Variants in MOBP observed in about 807,000 individuals in gnomAD.
The protein encoded by MOBP is myelin associated oligodendrocyte basic protein, also known as myelin-associated oligodendrocyte basic protein.
In MOBP, 5 loss-of-function variants were observed where a neutral mutation model predicts 15.0. The observed-to-expected ratio is 0.33, with a 90% CI of 0.17 to 0.70. The LOEUF (loss-of-function observed/expected upper bound fraction) is 0.70. MOBP is among the 30% of genes least tolerant of loss of function. MOBP has a pLI of 0.67. For synonymous variants in MOBP, 88 were observed against 99.0 expected, an observed-to-expected ratio of 0.89 and a Z score of 0.66; for missense variants, 188 against 257.8, an observed-to-expected ratio of 0.73 and a Z score of 1.85.
At chr3:39,503,750 A>AT (rs1358595853), downstream of MOBP, among the ~76,000 whole-genome samples, 1 of 151,954 alleles carries the variant, frequency 6.6e-6, no homozygotes, top group Non-Finnish European at 1.5e-5. Context: ...GAATCTGTTT[A>AT]TAAGTTAGTA....
In MOBP at chr3:39,485,671, C is replaced by T. The variant is rs367828454; in HGVS notation, c.-5+5548C>T. Among the ~76,000 whole-genome samples the T allele has an allele frequency of 4.6e-5, 7 of 152,298 alleles. No homozygotes were observed. The South Asian group carries it at 6.2e-4, about 14-fold the overall frequency. The stretch of plus-strand genomic sequence containing the variant: ...TTCTTTCTGACAGCCTGGGGCTCAC[C>T]GGCCTGTGGGCGTTCCTCTCACCAA... On this transcript the variant is annotated intron_variant, in intron 2 of 3. Coordinates refer to ENST00000684792, the MANE Select transcript of MOBP (RefSeq NM_001393704.1).
At chr3:39,499,355 G>T (rs1001220984) in intron 2 of MOBP, 2 of 152,144 alleles carry the variant, frequency 1.3e-5, no homozygotes, top group African/African-American at 4.8e-5. Flanking sequence ...CTGGGTAAAG[G>T]GCTCCTTTGA....
At chr3:39,491,381 G>T (rs2042792570) in intron 2 of MOBP, among the ~76,000 whole-genome samples, 1 of 152,124 alleles carries the variant, frequency 6.6e-6, no homozygotes, top group African/African-American at 2.4e-5. Flanking sequence ...TATCTCCTAG[G>T]ATTATTACCA....
At position 39,501,855 on chromosome 3, in the gene MOBP, T is replaced by A. The variant is rs554368112; in HGVS notation, c.-4-211T>A. 7.9e-5 allele frequency among the ~76,000 whole-genome samples: 12 copies of A among 152,272 alleles called. No individual in the cohort carries two copies. The East Asian group carries it at 2.3e-3, about 29-fold the overall frequency. ...TTTTTCTCCTTAAAAACACGATTTT[T>A]AAAAATACACAAATGAAAATTAATG... On this transcript the variant is annotated intron_variant, in intron 2 of 3. Transcript: ENST00000684792.
intron 2 of MOBP, among the ~76,000 whole-genome samples, chr3:39,490,272 A>G (rs916697863): frequency 2.0e-5 from 3 of 152,090 alleles, no homozygotes; most frequent in Admixed American, 2.0e-4. Context: ...TTTCATGCAT[A>G]TTATTATTAT....
chr3:39,472,605 G>C (rs2042486910), intron 1 of MOBP, among the ~76,000 whole-genome samples: 1 of 152,122 alleles, frequency 6.6e-6, no homozygotes, highest in Admixed American at 6.5e-5. Context: ...AAAAATGAGG[G>C]CCCCCTTCTC....
At chr3:39,487,316 A>G (rs113122325) in intron 2 of MOBP, among the ~76,000 whole-genome samples, 3,646 of 152,222 alleles carry the variant, frequency 0.024, 147 homozygotes, top group African/African-American at 0.078. Flanking sequence ...TGAAGAATCT[A>G]TCTGCCCCCT....
chr3:39,485,374 G>A (rs1403934725), intron 2 of MOBP, among the ~76,000 whole-genome samples: 1 of 152,178 alleles, frequency 6.6e-6, no homozygotes, highest in Non-Finnish European at 1.5e-5. Context: ...AGAAGAAAGG[G>A]TCGTCAGCCG....
At chr3:39,499,901 G>C (rs1437786073) in intron 2 of MOBP, 1 of 404,368 alleles carries the variant, frequency 2.5e-6, no homozygotes, top group Non-Finnish European at 5.0e-6. Flanking sequence ...TCTTTGGCCA[G>C]ATGAAATGCC....
intron 2 of MOBP, among the ~76,000 whole-genome samples, chr3:39,495,750 CAA>C (rs1179926622): frequency 1.8e-4 from 11 of 60,186 alleles, no homozygotes; most frequent in Non-Finnish European, 2.1e-4. Flanking sequence ...GAGACCTTGT[CAA>C]AAAAAAAAAA....
intron 2 of MOBP, among the ~76,000 whole-genome samples, chr3:39,490,572 AT>A (rs1390049113): frequency 8.6e-5 from 13 of 151,632 alleles, no homozygotes; most frequent in Middle Eastern, 6.8e-3. Flanking sequence ...CAATTTTTTC[AT>A]TTTTTTTGAG....
intron 3 of MOBP, among the ~76,000 whole-genome samples, chr3:39,521,060 A>G (rs531554290): frequency 2.0e-5 from 3 of 151,570 alleles, no homozygotes; most frequent in Non-Finnish European, 2.9e-5. Flanking sequence ...AGCAATTCTC[A>G]TGCCTCAGCT....
At chr3:39,500,746 G>A (rs1575310054) in intron 2 of MOBP, among the ~76,000 whole-genome samples, 1 of 152,146 alleles carries the variant, frequency 6.6e-6, no homozygotes, top group African/African-American at 2.4e-5. Flanking sequence ...AAAAAGACAC[G>A]GGAGCAGGAT....
Position 39,485,935 on chromosome 3 carries a change from T to A in MOBP, c.-5+5812T>A, listed in dbSNP as rs192290205. Among the ~76,000 whole-genome samples the A allele has an allele frequency of 5.9e-3, 788 of 133,256 alleles. 3 individuals carry two copies. Among genetic ancestry groups the A allele is most frequent in the Non-Finnish European group, 7.9e-3 (515 of 65,166 alleles). 87.4% of individuals were successfully genotyped at this position (133,256 alleles called of 152,430 possible). On this transcript the variant is annotated intron_variant, in intron 2 of 3. Coordinates refer to ENST00000684792, the MANE Select transcript of MOBP (RefSeq NM_001393704.1). ...TTTTTCTATTATTTCCCTGTTTGTC[T>A]ACTTTTTAAAAAAATGTATAGTTTG...
At chr3:39,523,070 T>C (rs1227420750) in intron 3 of MOBP, among the ~76,000 whole-genome samples, 1 of 152,216 alleles carries the variant, frequency 6.6e-6, no homozygotes, top group Non-Finnish European at 1.5e-5. Context: ...GATGACACAA[T>C]GTCAGATCTT....
rs1167506534 is a variant in MOBP, at chr3:39,468,889, GTA to G, written c.-89+1156_-89+1157del. ...TATATACATATATACATATGTGTGT[GTA>G]TATATACATATATACATATGAGTGT... On this transcript the variant is annotated intron_variant, in intron 1 of 3. Coordinates refer to ENST00000684792, the MANE Select transcript of MOBP (RefSeq NM_001393704.1). Among the ~76,000 whole-genome samples, 88 of 107,022 alleles carry G rather than the reference GTA, an allele frequency of 8.2e-4. 30 individuals carry two copies. Among genetic ancestry groups the G allele is most frequent in the African/African-American group, 3.4e-3 (59 of 17,208 alleles). The allele number at this position is 107,022 out of a possible 152,430, so 70.2% of individuals were successfully genotyped here.
At chr3:39,489,604 C>G (rs74954879) in intron 2 of MOBP, among the ~76,000 whole-genome samples, 17,259 of 152,098 alleles carry the variant, frequency 0.11, 1,213 homozygotes, top group Middle Eastern at 0.19. Context: ...GGGTCCTTGT[C>G]AGTCTTAAAA....
chr3:39,516,949 G>A (rs533527354), downstream of MOBP, among the ~76,000 whole-genome samples: 1 of 152,300 alleles, frequency 6.6e-6, no homozygotes, highest in East Asian at 1.9e-4. Context: ...AGGCTGCTGT[G>A]CTTACACCAG....
downstream of MOBP, among the ~76,000 whole-genome samples, chr3:39,520,537 A>AGTGTGTGTGTGTGT (rs5848515): frequency 1.4e-5 from 2 of 144,640 alleles, no homozygotes; most frequent in East Asian, 2.0e-4. Flanking sequence ...TGTGTTCATG[A>AGTGTGTGTGTGTGT]GTGTGTGTGT....
Sources: allele counts gnomAD v4.1 joint callset (sites outside exome capture counted in the v4.1 genomes callset), GRCh38; gene constraint gnomAD v4.1.1; transcripts MANE v1.5; gene names NCBI Gene and HGNC (gene_info 2026-07-23, HGNC 2026-07-21).